Variants in TRIM2 observed in about 807,000 individuals in gnomAD.
TRIM2 encodes tripartite motif containing 2.
TRIM2 carries 20 observed loss-of-function variants against 75.2 expected under a neutral mutation model. The observed-to-expected ratio is 0.27, with a 90% CI of 0.19 to 0.39. The LOEUF is 0.39. Ranked by LOEUF, TRIM2 falls within the 10% of genes least tolerant of loss-of-function variation. The pLI is 1.00. For missense variants in TRIM2, 660 were observed against 990.8 expected (o/e 0.67, Z 4.48); for synonymous variants, 373 against 388.3 (o/e 0.96, Z 0.46).
intron 1 of TRIM2, among the ~76,000 whole-genome samples, chr4:153,256,937 T>TA (rs554065000): frequency 7.1e-6 from 1 of 141,314 alleles, no homozygotes; most frequent in Non-Finnish European, 1.6e-5. Context: ...TTTTTGCATT[T>TA]AAAAAAATTA....
At chr4:153,173,922 G>A (rs539358054) in intron 1 of TRIM2, among the ~76,000 whole-genome samples, 3 of 152,170 alleles carry the variant, frequency 2.0e-5, no homozygotes, top group Admixed American at 1.3e-4. Context: ...CCAAGATCGT[G>A]CCACTGCAGT....
intron 1 of TRIM2, among the ~76,000 whole-genome samples, chr4:153,243,734 A>G (rs1398720233): frequency 6.6e-6 from 1 of 152,124 alleles, no homozygotes; most frequent in Non-Finnish European, 1.5e-5. Flanking sequence ...CTAGATAAGC[A>G]AATTCTTTAT....
At chr4:153,323,181 T>C (rs1228413495) in intron 9 of TRIM2, among the ~76,000 whole-genome samples, 1 of 152,194 alleles carries the variant, frequency 6.6e-6, no homozygotes, top group East Asian at 1.9e-4. Flanking sequence ...AGCCACTGAA[T>C]GAGAATTTTT....
intron 1 of TRIM2, among the ~76,000 whole-genome samples, chr4:153,221,903 A>AGAG (rs1740342300): frequency 1.2e-5 from 1 of 81,388 alleles, no homozygotes. Flanking sequence ...AGGAGGGAGG[A>AGAG]AGGAAGGGAG....
At chr4:153,296,231 C>T (rs1280417311) in intron 6 of TRIM2, among the ~76,000 whole-genome samples, 195 bp downstream of exon 6, 1 of 152,172 alleles carries the variant, frequency 6.6e-6, no homozygotes, top group African/African-American at 2.4e-5. Flanking sequence ...TTTCCTTCTC[C>T]TCCGCCTCTA....
At chr4:153,328,465 T>C (rs1213448730) in intron 10 of TRIM2, 65 bp from the exon 11 acceptor site, 4 of 1,405,848 alleles carry the variant, frequency 2.8e-6, no homozygotes, top group Non-Finnish European at 3.9e-6. Context: ...GATATTTTTT[T>C]AATCCATCAT....
At chr4:153,218,755 T>G (rs983006008) in intron 1 of TRIM2, among the ~76,000 whole-genome samples, 3 of 152,208 alleles carry the variant, frequency 2.0e-5, no homozygotes, top group African/African-American at 7.2e-5. Flanking sequence ...TATGACTTTC[T>G]TCCCAACTAG....
chr4:153,211,377 A>G (rs139884378), intron 1 of TRIM2, among the ~76,000 whole-genome samples: 1 of 152,190 alleles, frequency 6.6e-6, no homozygotes, highest in Non-Finnish European at 1.5e-5. Context: ...TCCTTGATAA[A>G]AGAAACTACA....
intron 6 of TRIM2, among the ~76,000 whole-genome samples, chr4:153,301,768 G>C (rs1440027448): frequency 2.6e-5 from 4 of 152,158 alleles, no homozygotes; most frequent in Admixed American, 6.5e-5. Context: ...ATTTTGTGCT[G>C]TTGGCATCTT....
intron 6 of TRIM2, among the ~76,000 whole-genome samples, chr4:153,301,510 C>T (rs1315273966): frequency 6.6e-6 from 1 of 152,140 alleles, no homozygotes; most frequent in Non-Finnish European, 1.5e-5. Flanking sequence ...TCCATGTATC[C>T]ATTTTTGCTT....
intron 1 of TRIM2, among the ~76,000 whole-genome samples, chr4:153,230,700 C>G (rs896216950): frequency 1.3e-5 from 2 of 152,168 alleles, no homozygotes; most frequent in African/African-American, 4.8e-5. Context: ...GAAGATAACC[C>G]TGTTGACCCA....
At chr4:153,272,916 C>A (rs950431792) in intron 2 of TRIM2, among the ~76,000 whole-genome samples, 1 of 151,974 alleles carries the variant, frequency 6.6e-6, no homozygotes, top group African/African-American at 2.4e-5. Flanking sequence ...CTCGGCTCAC[C>A]GCAACTTCCG....
Position 153,314,986 on chromosome 4 carries a change from C to T in TRIM2, c.1511-499C>T, listed in dbSNP as rs1370725418. ...CCCACTAAAACCAAGAATGGCAGGA[C>T]CCAAACTGAGTCTGAACCATCCCAA... is the stretch of plus-strand genomic sequence containing the variant. On this transcript the variant is annotated intron_variant, in intron 6 of 11. Coordinates refer to ENST00000338700, the MANE Select transcript of TRIM2 (RefSeq NM_015271.5). Among the ~76,000 whole-genome samples the T allele has an allele frequency of 2.0e-5, 3 of 152,292 alleles. No homozygotes were observed. The East Asian group carries it at 5.8e-4, about 29-fold the overall frequency.
At position 153,324,072 on chromosome 4, in the gene TRIM2, T is replaced by C. The variant is rs548605169; in HGVS notation, c.1952-6T>C. 1.4e-5 allele frequency: 22 copies of C among 1,611,744 alleles called. No individual in the cohort carries two copies. In the African/African-American group the frequency reaches 2.4e-4, roughly 18 times the overall value. ...CATCACATATTTTTTTCCATCTTTA[T>C]TGCAGGTCCCCATTTTGCAGCTGTA... On this transcript the variant is annotated splice_region_variant and splice_polypyrimidine_tract_variant and intron_variant, in intron 9 of 11. Transcript: ENST00000338700.
chr4:153,155,746 C>A (rs1216574547), intron 1 of TRIM2, among the ~76,000 whole-genome samples: 7 of 152,158 alleles, frequency 4.6e-5, no homozygotes, highest in Non-Finnish European at 1.0e-4. Flanking sequence ...CTCCTCTGAA[C>A]CTGGATCCTT....
At chr4:153,259,167 A>T (rs1752789673) in intron 1 of TRIM2, among the ~76,000 whole-genome samples, 1 of 152,226 alleles carries the variant, frequency 6.6e-6, no homozygotes, top group African/African-American at 2.4e-5. Flanking sequence ...TATAACCCAC[A>T]CATTTTTTAA....
chr4:153,202,932 C>T (rs958870948), upstream of TRIM2, among the ~76,000 whole-genome samples: 1 of 151,504 alleles, frequency 6.6e-6, no homozygotes, highest in African/African-American at 2.4e-5. Flanking sequence ...TGATGAAACC[C>T]TGTCTCTACT....
At chr4:153,213,707 T>C (rs1737704250) in intron 1 of TRIM2, among the ~76,000 whole-genome samples, 1 of 152,166 alleles carries the variant, frequency 6.6e-6, no homozygotes, top group African/African-American at 2.4e-5. Context: ...TTTGTATTTT[T>C]AGTAGAGACG....
At chr4:153,296,845 C>A (rs779858138) in intron 6 of TRIM2, among the ~76,000 whole-genome samples, 1 of 152,222 alleles carries the variant, frequency 6.6e-6, no homozygotes, top group Non-Finnish European at 1.5e-5. Context: ...CTCCAGCAGA[C>A]TTCTTTTCCT....
Sources: gnomAD v4.1 joint callset for allele counts (sites outside exome capture counted in the v4.1 genomes callset) on GRCh38, gnomAD v4.1.1 for gene constraint, MANE v1.5 for transcripts, NCBI Gene and HGNC (gene_info 2026-07-23, HGNC 2026-07-21) for gene names.